The following ZFP1 variants were observed in gnomAD, a reference collection of about 807,000 sequenced individuals.
ZFP1 encodes the protein zinc finger protein 1 homolog.
Under a neutral mutation model 38.5 loss-of-function variants are expected in ZFP1, and 32 were observed. That is an observed-to-expected ratio of 0.83 (90% CI 0.63 to 1.12). The LOEUF (loss-of-function observed/expected upper bound fraction) is 1.12. ZFP1 is among the 50% of genes most tolerant of loss of function. The pLI is 0.00. For synonymous variants in ZFP1, 245 were observed against 168.8 expected, an observed-to-expected ratio of 1.45 and a Z score of -3.50; for missense variants, 616 against 480.8, an observed-to-expected ratio of 1.28 and a Z score of -2.63.
At chr16:75,129,564 C>A in the ZFP1 span, among the ~76,000 whole-genome samples, 1 of 152,162 alleles carries the variant, frequency 6.6e-6, no homozygotes, top group African/African-American at 2.4e-5. Flanking sequence ...AGAATGCAAC[C>A]ATTGGTCTCT....
intron 2 of ZFP1, among the ~76,000 whole-genome samples, chr16:75,164,310 C>CTTA: frequency 6.6e-6 from 1 of 152,158 alleles, no homozygotes. Flanking sequence ...TCCTTCTCTG[C>CTTA]TTATTTCCAC....
chr16:75,147,042 A>G (rs986726452), upstream of ZFP1, among the ~76,000 whole-genome samples: 4 of 152,062 alleles, frequency 2.6e-5, no homozygotes, highest in Non-Finnish European at 5.9e-5. Flanking sequence ...AAAAAGCAAC[A>G]TATGTATGAT....
chr16:75,171,820 C>A lies in ZFP1; in HGVS notation c.*1486C>A, dbSNP rs547228739. The A allele has an allele frequency of 2.6e-4, 39 of 152,300 alleles. No homozygotes were observed. Among genetic ancestry groups the A allele is most frequent in the African/African-American group, 8.9e-4 (37 of 41,570 alleles). The allele number at this position is 152,300 out of a possible 1,614,324, so 9.4% of individuals were successfully genotyped here. A position where few individuals can be genotyped will look rare whatever the true frequency, so the allele number is the denominator to read the frequency against. ...TCTAAGTTGTCATCTTACTTACTCA[C>A]AAAGGAGGGGAAAACGTTATTTTCA... On this transcript the variant is annotated 3_prime_UTR_variant, in exon 4 of 4. Transcript: ENST00000570010.
chr16:75,126,466 CA>C, the ZFP1 span, among the ~76,000 whole-genome samples: 1 of 152,110 alleles, frequency 6.6e-6, no homozygotes, highest in Non-Finnish European at 1.5e-5. Flanking sequence ...TGCAATTGTG[CA>C]ATCTTGGCTT....
At chr16:75,169,164 G>GTGAT in intron 3 of ZFP1, 89 bp from the exon 4 acceptor site, 2 of 1,461,284 alleles carry the variant, frequency 1.4e-6, no homozygotes, top group Middle Eastern at 3.7e-4. Context: ...AGTCAGCCCT[G>GTGAT]TGATAGAACA....
chr16:75,150,985 G>A (rs1439416874), intron 1 of ZFP1, among the ~76,000 whole-genome samples: 1 of 152,038 alleles, frequency 6.6e-6, no homozygotes, highest in Non-Finnish European at 1.5e-5. Context: ...AGCCTCCGGA[G>A]TAGCTAGGAC....
chr16:75,154,247 C>T (rs2037359029), intron 2 of ZFP1, among the ~76,000 whole-genome samples: 1 of 152,070 alleles, frequency 6.6e-6, no homozygotes, highest in African/African-American at 2.4e-5. Context: ...GAGAAGGTTC[C>T]TCCAAGTCTT....
the ZFP1 span, among the ~76,000 whole-genome samples, chr16:75,123,944 AT>A: frequency 1.4e-5 from 2 of 140,832 alleles, no homozygotes; most frequent in Non-Finnish European, 3.1e-5. Context: ...ACAAAAAAAA[AT>A]TAGCTGGGCC....
intron 2 of ZFP1, among the ~76,000 whole-genome samples, chr16:75,154,573 G>GTTTTTTTTTTTTTTTTTT (rs33986637): frequency 9.0e-6 from 1 of 111,248 alleles, no homozygotes; most frequent in Non-Finnish European, 1.8e-5. Flanking sequence ...ATGAATGAGA[G>GTTTTTTTTTTTTTTTTTT]TTTTTTTTTT....
the ZFP1 span, among the ~76,000 whole-genome samples, chr16:75,125,995 A>G: frequency 6.8e-6 from 1 of 146,814 alleles, no homozygotes; most frequent in South Asian, 2.2e-4. Flanking sequence ...GTGAGCAGTG[A>G]GCTGAGATCA....
At position 75,171,254 on chromosome 16, in the gene ZFP1, T is replaced by C. The variant is rs940511982; in HGVS notation, c.*920T>C. The C allele has an allele frequency of 1.3e-5, 2 of 152,200 alleles. No individual in the cohort carries two copies. Among genetic ancestry groups the C allele is most frequent in the Admixed American group, 6.5e-5 (1 of 15,274 alleles). The allele number at this position is 152,200 out of a possible 1,614,324, so 9.4% of individuals were successfully genotyped here. A position where few individuals can be genotyped will look rare whatever the true frequency, so the allele number is the denominator to read the frequency against. On this transcript the variant is annotated 3_prime_UTR_variant, in exon 4 of 4. Transcript: ENST00000570010. ...CTTGTTTCCCTTAATATTTCATGAA[T>C]TGTCTAGCAAAAATGGTAGGATGCT...
chr16:75,167,948 C>T (rs2038188191), intron 3 of ZFP1, among the ~76,000 whole-genome samples: 1 of 152,088 alleles, frequency 6.6e-6, no homozygotes, highest in African/African-American at 2.4e-5. Flanking sequence ...ACAAAATAAG[C>T]CGGGCATGGT....
chr16:75,168,711 T>A (rs1164589255), intron 3 of ZFP1, among the ~76,000 whole-genome samples: 1 of 152,186 alleles, frequency 6.6e-6, no homozygotes, highest in African/African-American at 2.4e-5. Context: ...GAAGTGCTGT[T>A]CTCTGGAAAT....
chr16:75,169,565 G>T lies in ZFP1; in HGVS notation c.455G>T (p.Gly152Val). 6.2e-7 allele frequency: 1 copy of T among 1,609,644 alleles called. No individual in the cohort carries two copies. The highest frequency in any genetic ancestry group is 8.5e-7 in the Non-Finnish European group (1 of 1,179,066). ...LYLKQEKTHS[G>V]VEYSEYNKSG... is the part of the protein sequence containing the mutation. ...CTGAAGCAAGAGAAAACCCACAGTG[G>T]AGTAGAATATTCTGAATACAATAAA... The change falls in exon 4 of 4, where the codon GGA becomes GTA. Residue 152 changes from glycine (G) to valine (V), a missense_variant. Transcript: ENST00000570010.
the ZFP1 span, among the ~76,000 whole-genome samples, chr16:75,121,917 C>T: frequency 6.6e-6 from 1 of 152,086 alleles, no homozygotes; most frequent in African/African-American, 2.4e-5. Flanking sequence ...CATATTAATC[C>T]AGCAGTTTCA....
chr16:75,135,209 CAAAAAAAAAAAAA>C, the ZFP1 span, among the ~76,000 whole-genome samples: 1 of 14,954 alleles, frequency 6.7e-5, no homozygotes, highest in East Asian at 1.7e-3. Context: ...GACCTTATCT[CAAAAAAAAAAAAA>C]AAAAAAAAAA....
At chr16:75,137,669 T>G in the ZFP1 span, among the ~76,000 whole-genome samples, 10 of 151,878 alleles carry the variant, frequency 6.6e-5, no homozygotes, top group East Asian at 1.9e-3. Context: ...GGTTTCACCG[T>G]GTTAGCCAGG....
At chr16:75,169,138 G>T (rs1597088888) in intron 3 of ZFP1, 115 bp from the exon 4 acceptor site, 4 of 1,301,588 alleles carry the variant, frequency 3.1e-6, no homozygotes, top group Non-Finnish European at 4.1e-6. Flanking sequence ...TTGGGAGACT[G>T]GGTCCCAAAC....
chr16:75,168,392 T>G (rs2038218201), intron 3 of ZFP1, among the ~76,000 whole-genome samples: 1 of 151,922 alleles, frequency 6.6e-6, no homozygotes. Flanking sequence ...ATTGAGAGTA[T>G]CCCTTGAGCC....
Sources: gnomAD v4.1 joint callset for allele counts (sites outside exome capture counted in the v4.1 genomes callset) on GRCh38, gnomAD v4.1.1 for gene constraint, MANE v1.5 for transcripts, NCBI Gene and HGNC (gene_info 2026-07-23, HGNC 2026-07-21) for gene names.